The following ABCB11 variants were observed in gnomAD, a reference collection of about 807,000 sequenced individuals.
The protein encoded by ABCB11 is ATP binding cassette subfamily B member 11.
Under a neutral mutation model 148.0 loss-of-function variants are expected in ABCB11, and 95 were observed. That is an observed-to-expected ratio of 0.64 (90% CI 0.54 to 0.76). ABCB11 has a LOEUF of 0.76. ABCB11 is among the 30% of genes least tolerant of loss of function. ABCB11 has a pLI of 0.00. For synonymous variants in ABCB11, 591 were observed against 555.4 expected, an observed-to-expected ratio of 1.06 and a Z score of -0.90; for missense variants, 1,523 against 1,617.8, an observed-to-expected ratio of 0.94 and a Z score of 1.01.
intron 7 of ABCB11, among the ~76,000 whole-genome samples, chr2:168,994,114 C>T (rs1694636376): frequency 6.6e-6 from 1 of 152,008 alleles, no homozygotes. Flanking sequence ...CCAGCTGGTA[C>T]TCAGTGTTGA....
Position 168,969,411 on chromosome 2 carries a change from G to A in ABCB11, c.1950C>T (p.Tyr650=), listed in dbSNP as rs753454898. The change falls in exon 16 of 28, where the codon TAC becomes TAT. Residue 650 remains tyrosine (Y), a synonymous_variant. Transcript: ENST00000650372. ...HEELLERKGV[Y]FTLVTLQSQG... ...GGCTTTGCAAAGTCACTAGAGTGAAGTAAACACCTTTCCTTTCCAGTAATT... is the reference window on the plus strand; with the variant it reads ...GGCTTTGCAAAGTCACTAGAGTGAAATAAACACCTTTCCTTTCCAGTAATT... 1 of 1,612,660 alleles carries A rather than the reference G, an allele frequency of 6.2e-7. No individual in the cohort carries two copies. Among genetic ancestry groups the A allele is most frequent in the Non-Finnish European group, 8.5e-7 (1 of 1,179,296 alleles).
chr2:168,947,800 CT>C (rs914879599), intron 19 of ABCB11, among the ~76,000 whole-genome samples: 3 of 151,726 alleles, frequency 2.0e-5, no homozygotes, highest in Non-Finnish European at 4.4e-5. Flanking sequence ...CACCTAGATG[CT>C]GCCTACTCTG....
At chr2:168,965,069 A>C (rs1188012756) in intron 17 of ABCB11, among the ~76,000 whole-genome samples, 1 of 151,864 alleles carries the variant, frequency 6.6e-6, no homozygotes, top group African/African-American at 2.4e-5. Context: ...TTGAATAAAG[A>C]GTATGGAAAG....
chr2:168,995,527 A>G, intron 6 of ABCB11, 45 bp from the exon 7 acceptor site: 1 of 1,572,306 alleles, frequency 6.4e-7, no homozygotes. Context: ...TGTTTGAAAT[A>G]TTTGTTAATT....
intron 1 of ABCB11, among the ~76,000 whole-genome samples, chr2:169,024,106 G>GTGA (rs1042376320): frequency 1.6e-4 from 24 of 151,858 alleles, no homozygotes; most frequent in African/African-American, 5.8e-4. Flanking sequence ...TAATACCTAG[G>GTGA]TGATGGATTG....
Position 168,932,395 on chromosome 2 carries a change from A to G in ABCB11, c.3195T>C (p.Asn1065=), listed in dbSNP as rs1307512647. The change falls in exon 24 of 28, where the codon AAT becomes AAC. Residue 1065 remains asparagine, a synonymous_variant. Coordinates refer to ENST00000650372, the MANE Select transcript of ABCB11 (RefSeq NM_003742.4). Reference sequence around the variant, plus strand: ...CACTTACCCATTTTTCACCTGCAGTATTGTATACACTGATTGGGGGTTGTC... The same window carrying G: ...CACTTACCCATTTTTCACCTGCAGTGTTGTATACACTGATTGGGGGTTGTC... ...LDRQPPISVY[N]TAGEKWDNFQ... The G allele has an allele frequency of 6.4e-7, 1 of 1,566,710 alleles. No individual in the cohort carries two copies. Among genetic ancestry groups the G allele is most frequent in the Non-Finnish European group, 8.7e-7 (1 of 1,155,208 alleles).
intron 5 of ABCB11, among the ~76,000 whole-genome samples, chr2:169,012,682 G>A (rs1393549341): frequency 1.3e-5 from 2 of 150,010 alleles, no homozygotes; most frequent in Non-Finnish European, 3.0e-5. Context: ...AGAGGCTGCA[G>A]TGAGCCAAGA....
chr2:168,933,807 T>C (rs1691694263), intron 23 of ABCB11, among the ~76,000 whole-genome samples: 1 of 152,200 alleles, frequency 6.6e-6, no homozygotes, highest in African/African-American at 2.4e-5. Flanking sequence ...TGTAGTGGCA[T>C]GATCTCAGCT....
At position 168,996,626 on chromosome 2, in the gene ABCB11, GC is replaced by G; in HGVS notation, c.477+8del. ...ATTGATCTATAAATTATACGGAGGA[GC>G]TACTAACTTGAATATATCCTGTGAT... is the stretch of plus-strand genomic sequence containing the variant. On this transcript the variant is annotated splice_region_variant and intron_variant, in intron 6 of 27. Transcript: ENST00000650372. 1 of 1,462,254 alleles carries G rather than the reference GC, an allele frequency of 6.8e-7. No individual in the cohort carries two copies. The highest frequency in any genetic ancestry group is 1.4e-5 in the African/African-American group (1 of 70,610). The allele number at this position is 1,462,254 out of a possible 1,614,324, so 90.6% of individuals were successfully genotyped here. A position where few individuals can be genotyped will look rare whatever the true frequency, so the allele number is the denominator to read the frequency against.
rs551651576 is a variant in ABCB11, at chr2:168,999,862, A to G, written c.390-3140T>C. ...CCCAAGAGTAGAAATGCTGAGTCAT[A>G]TGGTAGTTGAGTGTTTAGAATTTTT... On this transcript the variant is annotated intron_variant, in intron 5 of 27. Transcript: ENST00000650372. Among the ~76,000 whole-genome samples, 5 of 152,220 alleles carry G rather than the reference A, an allele frequency of 3.3e-5. No homozygotes were observed. The East Asian group carries it at 9.6e-4, about 29-fold the overall frequency.
Position 168,986,131 on chromosome 2 carries a change from A to T in ABCB11, c.1062T>A (p.Tyr354Ter), listed in dbSNP as rs376258647. The T allele has an allele frequency of 6.2e-7, 1 of 1,611,416 alleles. No individual in the cohort carries two copies. The highest frequency in any genetic ancestry group is 1.7e-4 in the Middle Eastern group (1 of 5,986). ...GSTLVLDEGE[Y>*]TPGTLVQIFL... is the part of the protein sequence containing the mutation. ...GTACCTGGACAAGGGTTCCTGGTGT[A>T]TATTCTCCTTCATCCAGGACAAGTG... The change falls in exon 10 of 28, where the codon TAT becomes TAA. Residue 354 changes from tyrosine (Y) to a stop codon, truncating the protein, a stop_gained. Coordinates refer to ENST00000650372, the MANE Select transcript of ABCB11 (RefSeq NM_003742.4). LOFTEE classifies it high-confidence loss of function.
At chr2:168,984,388 C>T (rs1268387075) in intron 10 of ABCB11, among the ~76,000 whole-genome samples, 1 of 152,184 alleles carries the variant, frequency 6.6e-6, no homozygotes, top group Non-Finnish European at 1.5e-5. Flanking sequence ...GAATCCCCTG[C>T]ATTTTCTAAG....
intron 10 of ABCB11, among the ~76,000 whole-genome samples, chr2:168,985,888 A>G (rs187389944): frequency 8.4e-4 from 128 of 152,206 alleles, no homozygotes; most frequent in African/African-American, 3.0e-3. Flanking sequence ...ACAAATCACC[A>G]CTAAAGGACT....
intron 11 of ABCB11, among the ~76,000 whole-genome samples, chr2:168,978,362 C>G (rs966185905): frequency 6.6e-6 from 1 of 151,900 alleles, no homozygotes; most frequent in Non-Finnish European, 1.5e-5. Context: ...TCTCAAACTC[C>G]TGGGCTCAAG....
At chr2:168,929,485 T>C (rs902932447) in intron 25 of ABCB11, among the ~76,000 whole-genome samples, 4 of 152,170 alleles carry the variant, frequency 2.6e-5, no homozygotes, top group Admixed American at 6.5e-5. Flanking sequence ...GGATGAACAA[T>C]ATTTACATAA....
chr2:168,989,308 G>T (rs958884518), intron 9 of ABCB11, among the ~76,000 whole-genome samples: 1 of 152,080 alleles, frequency 6.6e-6, no homozygotes, highest in African/African-American at 2.4e-5. Context: ...TGTGTATAGT[G>T]TGAGGTAAGG....
chr2:169,008,379 C>A (rs958844519), intron 5 of ABCB11, among the ~76,000 whole-genome samples: 16 of 152,150 alleles, frequency 1.1e-4, no homozygotes, highest in African/African-American at 2.9e-4. Flanking sequence ...CTGTAGTCAC[C>A]TTGCCTCTAC....
intron 1 of ABCB11, among the ~76,000 whole-genome samples, chr2:169,026,231 T>C (rs1695690127): frequency 6.6e-6 from 1 of 152,168 alleles, no homozygotes; most frequent in Admixed American, 6.5e-5. Flanking sequence ...AACAGGGTGT[T>C]CTTTTGTTTG....
rs763244136 is a variant in ABCB11, at chr2:168,923,821, G to A, written c.3767C>T (p.Thr1256Met). 4.2e-5 allele frequency: 67 copies of A among 1,613,682 alleles called. No homozygotes were observed. The South Asian group carries it at 4.6e-4, about 11-fold the overall frequency. The change falls in exon 28 of 28, where the codon ACG becomes ATG. Residue 1256 changes from threonine (T) to methionine (M), a missense_variant and splice_region_variant. Transcript: ENST00000650372. ...TSALDTESEK[T>M]VQVALDKARE... ...GGCTTTGTCTAGAGCAACCTGCACC[G>A]TCTGCAAAGAGAAGATGGAAAGTTG...
Sources: gnomAD v4.1 joint callset for allele counts (sites outside exome capture counted in the v4.1 genomes callset) on GRCh38, gnomAD v4.1.1 for gene constraint, MANE v1.5 for transcripts, NCBI Gene and HGNC (gene_info 2026-07-23, HGNC 2026-07-21) for gene names.